The following GPT2 variants were observed in gnomAD, a reference collection of about 807,000 sequenced individuals.
GPT2 encodes the protein glutamic--pyruvic transaminase 2.
A neutral mutation model predicts 56.9 loss-of-function variants in GPT2; 30 were observed. The ratio of observed to expected loss-of-function variants is 0.53; its 90% CI spans 0.39 to 0.72. The LOEUF is 0.72. Among genes scored for constraint, GPT2 ranks in the 30% least tolerant of loss-of-function variants. GPT2 has a pLI of 0.00. For synonymous variants in GPT2, 271 were observed against 283.1 expected (o/e 0.96, Z 0.43); for missense variants, 542 against 703.4 (o/e 0.77, Z 2.60).
intron 8 of GPT2, among the ~76,000 whole-genome samples, chr16:46,919,694 T>C (rs1476584435): frequency 1.3e-5 from 2 of 152,194 alleles, no homozygotes; most frequent in Non-Finnish European, 2.9e-5. Flanking sequence ...CAGCATGAGA[T>C]AGGAGCTGTT....
chr16:46,920,157 G>C (rs140812801), intron 8 of GPT2, among the ~76,000 whole-genome samples: 1 of 152,380 alleles, frequency 6.6e-6, no homozygotes, highest in African/African-American at 2.4e-5. Flanking sequence ...GTGAGCTGAT[G>C]ACGCCACTGC....
chr16:46,921,251 C>G lies in GPT2; in HGVS notation c.1038-991C>G, dbSNP rs1961280453. On this transcript the variant is annotated intron_variant, in intron 8 of 11. Transcript: ENST00000340124. ...AGGCGCGATCTTAGTTCACTGCAAC[C>G]TCTGCCTCCCGGTCTTGGTTCAAGC... 3.3e-5 allele frequency among the ~76,000 whole-genome samples: 5 copies of G among 152,174 alleles called. No individual in the cohort carries two copies. The South Asian group carries it at 1.0e-3, about 32-fold the overall frequency.
In GPT2 at chr16:46,924,528, C is replaced by T. The variant is rs1229451571; in HGVS notation, c.1352C>T (p.Ala451Val). The change falls in exon 10 of 12, where the codon GCT becomes GTT. Residue 451 changes from alanine to valine, a missense_variant. By Grantham distance (64) the Ala-to-Val change is moderately conservative. Transcript: ENST00000340124. ...CCTCGGATCTTCATTCCTGCCAAAG[C>T]TGTGGAGGCTGCTCAGGTCTGGGGC... ...AFPRIFIPAKAVEAAQAHQMA... is the reference protein window; with the variant it reads ...AFPRIFIPAKVVEAAQAHQMA... The T allele has an allele frequency of 1.2e-6, 2 of 1,614,186 alleles. No homozygotes were observed. The highest frequency in any genetic ancestry group is 1.7e-6 in the Non-Finnish European group (2 of 1,180,008).
chr16:46,891,401 C>T (rs953429507), intron 2 of GPT2, among the ~76,000 whole-genome samples: 2 of 151,318 alleles, frequency 1.3e-5, no homozygotes, highest in South Asian at 2.1e-4. Context: ...TGCCACCACA[C>T]CAGGCTAATT....
At chr16:46,913,104 C>G (rs568159362) in intron 6 of GPT2, among the ~76,000 whole-genome samples, 6 of 152,230 alleles carry the variant, frequency 3.9e-5, no homozygotes, top group Admixed American at 6.5e-5. Context: ...CGCCACTGTT[C>G]ATGCACTTAT....
At position 46,924,601 on chromosome 16, in the gene GPT2, T is replaced by C. The variant is rs1054957156; in HGVS notation, c.1368+57T>C. ...TACCAGGTTCACCTGAGATGCTGGG[T>C]TGGGGGCCCCTGCTTATCTTGGGGA... On this transcript the variant is annotated intron_variant, in intron 10 of 11. Coordinates refer to ENST00000340124, the MANE Select transcript of GPT2 (RefSeq NM_133443.4). 8.8e-6 allele frequency: 14 copies of C among 1,593,126 alleles called. No individual in the cohort carries two copies. The Admixed American group carries it at 1.4e-4, about 16-fold the overall frequency.
intron 2 of GPT2, 22 bp from the exon 3 acceptor site, chr16:46,897,626 C>T (rs377609046): frequency 4.3e-6 from 7 of 1,609,464 alleles, no homozygotes; most frequent in African/African-American, 1.3e-5. Context: ...AAGTAACCAC[C>T]TGTTGCTTTC....
chr16:46,893,844 C>G (rs1960633757), intron 2 of GPT2, among the ~76,000 whole-genome samples: 1 of 152,178 alleles, frequency 6.6e-6, no homozygotes, highest in Non-Finnish European at 1.5e-5. Context: ...GATGCTGCGG[C>G]TCCTTAGTCC....
intron 4 of GPT2, among the ~76,000 whole-genome samples, chr16:46,906,483 A>T (rs986499492): frequency 6.6e-6 from 1 of 152,228 alleles, no homozygotes; most frequent in African/African-American, 2.4e-5. Context: ...CACAGATCAC[A>T]TATAAATCCG....
chr16:46,906,482 C>T (rs1311060062), intron 4 of GPT2, among the ~76,000 whole-genome samples: 1 of 152,216 alleles, frequency 6.6e-6, no homozygotes, highest in African/African-American at 2.4e-5. Context: ...TCACAGATCA[C>T]ATATAAATCC....
chr16:46,885,963 C>A (rs559582586), intron 2 of GPT2, among the ~76,000 whole-genome samples: 1 of 152,268 alleles, frequency 6.6e-6, no homozygotes, highest in South Asian at 2.1e-4. Flanking sequence ...TCACTAGTGT[C>A]CCATGAATGC....
chr16:46,925,192 C>T (rs548382344), intron 10 of GPT2, among the ~76,000 whole-genome samples: 6 of 151,646 alleles, frequency 4.0e-5, no homozygotes, highest in East Asian at 1.9e-4. Context: ...GAATTGCAGG[C>T]GTGAGCCACT....
chr16:46,924,951 C>T (rs1165290303), intron 10 of GPT2, among the ~76,000 whole-genome samples: 6 of 151,694 alleles, frequency 4.0e-5, no homozygotes, highest in Non-Finnish European at 8.8e-5. Context: ...TTGTGGAGAA[C>T]GGGTCTCGCT....
chr16:46,917,721 C>G (rs1337514226), intron 7 of GPT2, among the ~76,000 whole-genome samples: 4 of 152,062 alleles, frequency 2.6e-5, no homozygotes, highest in Non-Finnish European at 5.9e-5. Context: ...GACATACACA[C>G]ATATACATAT....
At chr16:46,897,807 C>T (rs1281636546) in intron 3 of GPT2, 70 bp downstream of exon 3, 18 of 1,333,690 alleles carry the variant, frequency 1.3e-5, no homozygotes, top group Admixed American at 3.6e-5. Flanking sequence ...TCATAGGGGC[C>T]GTCCTCTGCC....
intron 4 of GPT2, among the ~76,000 whole-genome samples, chr16:46,904,853 C>T (rs1960888323): frequency 6.6e-6 from 1 of 152,154 alleles, no homozygotes; most frequent in South Asian, 2.1e-4. Flanking sequence ...TGCACCTACC[C>T]TTTTTTAAAC....
rs769669953 is a variant in GPT2, at chr16:46,906,869, A to G, written c.470A>G (p.Asn157Ser). The G allele has an allele frequency of 3.7e-6, 6 of 1,614,200 alleles. No individual in the cohort carries two copies. Among genetic ancestry groups the G allele is most frequent in the South Asian group, 2.2e-5 (2 of 91,072 alleles). The change falls in exon 5 of 12, where the codon AAC (asparagine) becomes AGC (serine). Residue 157 changes from asparagine to serine, a missense_variant. Coordinates refer to ENST00000340124, the MANE Select transcript of GPT2 (RefSeq NM_133443.4). ...LGSYSASQGV[N>S]CIREDVAAYI... is the part of the protein sequence containing the mutation. ...TCCTACAGTGCTAGCCAGGGTGTCA[A>G]CTGCATCCGTGAAGATGTGGCTGCC...
rs557807584 is a variant in GPT2 at position 46,924,265 on chromosome 16, T to C, written c.1213-124T>C. The C allele has an allele frequency of 4.8e-6, 5 of 1,037,452 alleles. No homozygotes were observed. In the East Asian group the frequency reaches 1.0e-4, roughly 21 times the overall value. 64.3% of individuals were successfully genotyped at this position (1,037,452 alleles called of 1,614,324 possible). A position where few individuals can be genotyped will look rare whatever the true frequency, so the allele number is the denominator to read the frequency against. On this transcript the variant is annotated intron_variant, in intron 9 of 11. Transcript: ENST00000340124. ...GTCAACGCATGGGTCAGAGGGGACA[T>C]GTGTTCAAAGCTGGAGCAAAGTCAT...
chr16:46,885,064 T>TGACC, intron 2 of GPT2, 106 bp downstream of exon 2: 1 of 1,355,022 alleles, frequency 7.4e-7, no homozygotes, highest in Non-Finnish European at 9.5e-7. Flanking sequence ...CATGGCCAGC[T>TGACC]CCTCAGTCAG....
Sources: gnomAD v4.1 joint callset for allele counts (sites outside exome capture counted in the v4.1 genomes callset) on GRCh38, gnomAD v4.1.1 for gene constraint, MANE v1.5 for transcripts, NCBI Gene and HGNC (gene_info 2026-07-23, HGNC 2026-07-21) for gene names.